Variants in LMOD3 observed in about 807,000 individuals in gnomAD.
LMOD3 encodes leiomodin 3.
Under a neutral mutation model 41.8 loss-of-function variants are expected in LMOD3, and 31 were observed. The observed-to-expected ratio is 0.74, with a 90% CI of 0.56 to 1.00. LMOD3 has a LOEUF of 1.00. Ranked by LOEUF, LMOD3 falls within the 50% of genes least tolerant of loss-of-function variation. LMOD3 has a pLI of 0.00. For synonymous variants in LMOD3, 292 were observed against 241.9 expected (o/e 1.21, Z -1.92); for missense variants, 755 against 679.5 (o/e 1.11, Z -1.23).
chr3:69,108,134 A>G lies in LMOD3; in HGVS notation c.*961T>C, dbSNP rs989939142. The G allele has an allele frequency of 6.6e-5, 10 of 151,216 alleles. No homozygotes were observed. Among genetic ancestry groups the G allele is most frequent in the Non-Finnish European group, 1.2e-4 (8 of 68,016 alleles). 9.4% of individuals were successfully genotyped at this position (151,216 alleles called of 1,614,324 possible). The stretch of plus-strand genomic sequence containing the variant: ...CAGGCAATGGAGTGCCTTAAAGAAT[A>G]GGATAAGTAGTTCAAGTTTAATCCT... On this transcript the variant is annotated 3_prime_UTR_variant, in exon 3 of 3. Coordinates refer to ENST00000420581, the MANE Select transcript of LMOD3 (RefSeq NM_198271.5).
chr3:69,120,634 T>G (rs2092403225), intron 1 of LMOD3, among the ~76,000 whole-genome samples: 1 of 141,884 alleles, frequency 7.0e-6, no homozygotes, highest in Non-Finnish European at 1.5e-5. Context: ...ATTTTGATTT[T>G]GAATATATAT....
intron 2 of LMOD3, among the ~76,000 whole-genome samples, chr3:69,110,330 A>G (rs372882966): frequency 1.8e-4 from 28 of 151,850 alleles, no homozygotes; most frequent in African/African-American, 6.8e-4. Flanking sequence ...CCCAGGTTCA[A>G]GCGATTCTCC....
In LMOD3 at chr3:69,107,960, C is replaced by T. The variant is rs1467004278; in HGVS notation, c.*1135G>A. 2 of 152,042 alleles carry T rather than the reference C, an allele frequency of 1.3e-5. No individual in the cohort carries two copies. Among genetic ancestry groups the T allele is most frequent in the African/African-American group, 4.8e-5 (2 of 41,350 alleles). The allele number at this position is 152,042 out of a possible 1,614,324, so 9.4% of individuals were successfully genotyped here. On this transcript the variant is annotated 3_prime_UTR_variant, in exon 3 of 3. Transcript: ENST00000420581. ...CAGGATCTGACCCGGGAGTTGAAGA[C>T]TGGGTAGGACGTTCATTAATGGAGA...
chr3:69,118,602 G>T, intron 2 of LMOD3, 97 bp downstream of exon 2: 1 of 1,378,922 alleles, frequency 7.3e-7, no homozygotes, highest in South Asian at 1.5e-5. Flanking sequence ...GTCTCAATTA[G>T]TGAGTATCCC....
At position 69,106,928 on chromosome 3, in the gene LMOD3, G is replaced by A. The variant is rs2092325283; in HGVS notation, c.*2167C>T. The A allele has an allele frequency of 8.0e-6, 1 of 125,052 alleles. No individual in the cohort carries two copies. The highest frequency in any genetic ancestry group is 3.1e-5 in the African/African-American group (1 of 32,030). 7.7% of individuals were successfully genotyped at this position (125,052 alleles called of 1,614,324 possible). ...TCACCATGTTGGTCAGGCTGGTCTT[G>A]AACTCCTGACCTCATGTGATTCACC... is the stretch of plus-strand genomic sequence containing the variant. On this transcript the variant is annotated 3_prime_UTR_variant, in exon 3 of 3. Transcript: ENST00000420581.
Position 69,122,412 on chromosome 3 carries a change from AG to A in LMOD3, c.-27del. 6.9e-7 allele frequency: 1 copy of A among 1,439,302 alleles called. No homozygotes were observed. The highest frequency in any genetic ancestry group is 9.4e-7 in the Non-Finnish European group (1 of 1,065,244). 89.2% of individuals were successfully genotyped at this position (1,439,302 alleles called of 1,614,324 possible). On this transcript the variant is annotated 5_prime_UTR_variant, in exon 1 of 3. Coordinates refer to ENST00000420581, the MANE Select transcript of LMOD3 (RefSeq NM_198271.5). Reference sequence around the variant, plus strand: ...TATTTTTTCTAAATATTATTTTACTAGAAAAGAAGAATAATCAAAGATGATT... The same window carrying A: ...TATTTTTTCTAAATATTATTTTACTAAAAAGAAGAATAATCAAAGATGATT...
At chr3:69,111,558 T>C (rs1249789132) in intron 2 of LMOD3, among the ~76,000 whole-genome samples, 1 of 152,240 alleles carries the variant, frequency 6.6e-6, no homozygotes, top group East Asian at 1.9e-4. Flanking sequence ...AGTTCCAAAA[T>C]AATATTTTAA....
intron 2 of LMOD3, among the ~76,000 whole-genome samples, chr3:69,114,557 G>A (rs1240545829): frequency 6.6e-6 from 1 of 151,654 alleles, no homozygotes; most frequent in Non-Finnish European, 1.5e-5. Flanking sequence ...GCCCAGGCTG[G>A]AGTGCAGTGG....
Position 69,122,318 on chromosome 3 carries a change from G to T in LMOD3, c.69C>A (p.Ile23=), listed in dbSNP as rs2092412511. 5 of 1,613,184 alleles carry T rather than the reference G, an allele frequency of 3.1e-6. No homozygotes were observed. Among genetic ancestry groups the T allele is most frequent in the East Asian group, 2.2e-5 (1 of 44,802 alleles). The change falls in exon 1 of 3, where the codon ATC becomes ATA. Residue 23 remains isoleucine (I), a synonymous_variant. Coordinates refer to ENST00000420581, the MANE Select transcript of LMOD3 (RefSeq NM_198271.5). ...GTTCTTCAGCAGACAAGTTGGCCAA[G>T]ATTTCATCTTCATTAATCTCCTCAT... ...LLDEEINEDE[I]LANLSAEELK...
rs1453805532 is a variant in LMOD3, at chr3:69,119,133, G to A, written c.1222C>T (p.Gln408Ter). The A allele has an allele frequency of 3.1e-6, 5 of 1,613,820 alleles. No individual in the cohort carries two copies. Among genetic ancestry groups the A allele is most frequent in the Non-Finnish European group, 3.4e-6 (4 of 1,179,866 alleles). The change falls in exon 2 of 3, where the codon CAG becomes TAG. Residue 408 changes from glutamine to a stop codon, truncating the protein, a stop_gained. Transcript: ENST00000420581. LOFTEE classifies it high-confidence loss of function. ...RQKRQEEQKQQQLKEQKKLIA... is the reference protein window; with the variant it reads ...RQKRQEEQKQ ...AGCTTCTTCTGTTCCTTGAGTTGCT[G>A]CTGTTTTTGCTCTTCCTGTCGTTTC...
At chr3:69,110,853 A>AATATATATATATATATATAT (rs1302203949) in intron 2 of LMOD3, among the ~76,000 whole-genome samples, 5 of 104,120 alleles carry the variant, frequency 4.8e-5, no homozygotes, top group Admixed American at 1.9e-4. Context: ...AAAAAAAAAA[A>AATATATATATATATATATAT]ATATATATAT....
rs1214656499 is a variant in LMOD3, at chr3:69,106,252, GAGTTTTATATACATGTTAGCCC to G, written c.*2821_*2842del. Among the ~76,000 whole-genome samples, 8 of 152,114 alleles carry G rather than the reference GAGTTTTATATACATGTTAGCCC, an allele frequency of 5.3e-5. No homozygotes were observed. Among genetic ancestry groups the G allele is most frequent in the South Asian group, 4.1e-4 (2 of 4,820 alleles). On this transcript the variant is annotated 3_prime_UTR_variant, in exon 3 of 3. Coordinates refer to ENST00000420581, the MANE Select transcript of LMOD3 (RefSeq NM_198271.5). The stretch of plus-strand genomic sequence containing the variant: ...GGGATCCTATTTTTAAACCTGGCAC[GAGTTTTATATACATGTTAGCCC>G]AGTTTTATATACATGTTAGCCCATT...
intron 2 of LMOD3, among the ~76,000 whole-genome samples, chr3:69,110,853 AATAT>A (rs1302203949): frequency 3.4e-4 from 35 of 104,120 alleles, no homozygotes; most frequent in African/African-American, 1.2e-3. Context: ...AAAAAAAAAA[AATAT>A]ATATATATAT....
Position 69,115,102 on chromosome 3 carries a change from G to T in LMOD3, c.1656+3597C>A, listed in dbSNP as rs190179652. On this transcript the variant is annotated intron_variant, in intron 2 of 2. Coordinates refer to ENST00000420581, the MANE Select transcript of LMOD3 (RefSeq NM_198271.5). ...TGCTCATGTTGGTCTTGAATTCCTG[G>T]GCTCAAGCAATCCTTCTGCCTTGGC... 3.1e-4 allele frequency among the ~76,000 whole-genome samples: 47 copies of T among 152,102 alleles called. No homozygotes were observed. In the Middle Eastern group the frequency reaches 0.01, roughly 33 times the overall value.
rs1304114333 is a variant in LMOD3, at chr3:69,122,418, G to T, written c.-32C>A. ...TTCTAAATATTATTTTACTAGAAAA[G>T]AAGAATAATCAAAGATGATTTTTAA... On this transcript the variant is annotated 5_prime_UTR_variant, in exon 1 of 3. Coordinates refer to ENST00000420581, the MANE Select transcript of LMOD3 (RefSeq NM_198271.5). 7.1e-7 allele frequency: 1 copy of T among 1,411,352 alleles called. No individual in the cohort carries two copies. The highest frequency in any genetic ancestry group is 2.5e-5 in the East Asian group (1 of 39,884). 87.4% of individuals were successfully genotyped at this position (1,411,352 alleles called of 1,614,324 possible).
In LMOD3 at chr3:69,106,446, TATG is replaced by T. The variant is rs2092322927; in HGVS notation, c.*2646_*2648del. Among the ~76,000 whole-genome samples, 1 of 152,136 alleles carries T rather than the reference TATG, an allele frequency of 6.6e-6. No individual in the cohort carries two copies. Among genetic ancestry groups the T allele is most frequent in the African/African-American group, 2.4e-5 (1 of 41,430 alleles). On this transcript the variant is annotated 3_prime_UTR_variant, in exon 3 of 3. Transcript: ENST00000420581. ...AATGTAACATATAAATGTTGTAAAT[TATG>T]ATTACATTTAAAAACAAGCTAAAAT...
rs1300804331 is a variant in LMOD3 at position 69,119,539 on chromosome 3, C to T, written c.816G>A (p.Leu272=). 1 of 1,613,898 alleles carries T rather than the reference C, an allele frequency of 6.2e-7. No homozygotes were observed. The highest frequency in any genetic ancestry group is 8.5e-7 in the Non-Finnish European group (1 of 1,179,882). ...TTTTCTTCATTGCATTGACAAAGTC[C>T]AGTAACATTTCTTTGGGGATGTTTT... ...NIENIPKEML[L]DFVNAMKKNK... is the part of the protein sequence containing the mutation. The change falls in exon 2 of 3, where the codon CTG becomes CTA. Residue 272 remains leucine, a synonymous_variant. Transcript: ENST00000420581.
rs2092395540 is a variant in LMOD3, at chr3:69,119,476, A to G, written c.879T>C (p.Gly293=). 6.2e-7 allele frequency: 1 copy of G among 1,613,972 alleles called. No individual in the cohort carries two copies. The highest frequency in any genetic ancestry group is 1.3e-5 in the African/African-American group (1 of 75,050). ...AGGCAAATGCTACATTCTCATCTGCACCCACATTGGCTAAACTGAATGTTT... is the reference window on the plus strand; with the variant it reads ...AGGCAAATGCTACATTCTCATCTGCGCCCACATTGGCTAAACTGAATGTTT... ...HIKTFSLANV[G]ADENVAFALA... is the part of the protein sequence containing the mutation. The change falls in exon 2 of 3, where the codon GGT becomes GGC. Residue 293 remains glycine, a synonymous_variant. Coordinates refer to ENST00000420581, the MANE Select transcript of LMOD3 (RefSeq NM_198271.5).
chr3:69,115,384 A>G (rs1244857427), intron 2 of LMOD3, among the ~76,000 whole-genome samples: 1 of 151,702 alleles, frequency 6.6e-6, no homozygotes, highest in Admixed American at 6.6e-5. Context: ...CAGGAGTCTG[A>G]GGTGGGAGGA....
Sources: allele counts gnomAD v4.1 joint callset (sites outside exome capture counted in the v4.1 genomes callset), GRCh38; gene constraint gnomAD v4.1.1; transcripts MANE v1.5; gene names NCBI Gene and HGNC (gene_info 2026-07-23, HGNC 2026-07-21).